SH3BGRL2: variants seen among roughly 807,000 people sequenced by gnomAD.
The protein encoded by SH3BGRL2 is SH3 domain-binding glutamic acid-rich-like protein 2.
In SH3BGRL2, 21 loss-of-function variants were observed where a neutral mutation model predicts 14.8. The observed-to-expected ratio is 1.42, with a 90% CI of 1.01 to 2.05. The LOEUF (loss-of-function observed/expected upper bound fraction) is 2.05, where lower values mean the gene tolerates loss of function less well. Among genes scored for constraint, SH3BGRL2 ranks in the 30% most tolerant of loss-of-function variants. The pLI is 0.00. For synonymous variants in SH3BGRL2, 50 were observed against 47.8 expected (o/e 1.05, Z -0.19); for missense variants, 147 against 130.8 (o/e 1.12, Z -0.61).
At chr6:79,538,037 T>G in the SH3BGRL2 span, among the ~76,000 whole-genome samples, 1 of 139,096 alleles carries the variant, frequency 7.2e-6, no homozygotes, top group Non-Finnish European at 1.5e-5. Context: ...TTTTTTTTTT[T>G]TTTTTTTTTT....
At chr6:79,580,886 C>T in the SH3BGRL2 span, among the ~76,000 whole-genome samples, 12 of 152,042 alleles carry the variant, frequency 7.9e-5, no homozygotes, top group South Asian at 2.1e-4. Context: ...ATTGATAGAC[C>T]GCTAGCAAGA....
chr6:79,550,035 G>C, the SH3BGRL2 span, among the ~76,000 whole-genome samples: 2 of 151,950 alleles, frequency 1.3e-5, no homozygotes, highest in Non-Finnish European at 1.5e-5. Flanking sequence ...TGATTTTTTT[G>C]ATTAGTAAGA....
At chr6:79,573,293 C>T in the SH3BGRL2 span, among the ~76,000 whole-genome samples, 1 of 152,138 alleles carries the variant, frequency 6.6e-6, no homozygotes, top group Non-Finnish European at 1.5e-5. Flanking sequence ...TGTTAAATCT[C>T]AAGTTTCCAT....
chr6:79,665,077 G>C (rs960872409), intron 1 of SH3BGRL2, among the ~76,000 whole-genome samples: 23 of 152,172 alleles, frequency 1.5e-4, no homozygotes, highest in Non-Finnish European at 2.8e-4. Flanking sequence ...GCGGGCGCCT[G>C]TAGTCCCAGC....
At chr6:79,629,501 T>A (rs770015865), upstream of SH3BGRL2, among the ~76,000 whole-genome samples, 19 of 152,110 alleles carry the variant, frequency 1.2e-4, 1 homozygote, top group Non-Finnish European at 2.4e-4. Flanking sequence ...GCTGAGCAGA[T>A]AACCCAGTGA....
At chr6:79,689,977 GTTTGTT>G (rs1770176722) in intron 2 of SH3BGRL2, among the ~76,000 whole-genome samples, 1 of 151,980 alleles carries the variant, frequency 6.6e-6, no homozygotes, top group African/African-American at 2.4e-5. Flanking sequence ...CATTAGAGTT[GTTTGTT>G]TTTGTTTTTG....
chr6:79,566,150 G>T, the SH3BGRL2 span, among the ~76,000 whole-genome samples: 1 of 152,078 alleles, frequency 6.6e-6, no homozygotes. Flanking sequence ...GCCCAGAACC[G>T]GTGTTCAACA....
At chr6:79,631,838 T>G (rs887271193) in intron 1 of SH3BGRL2, among the ~76,000 whole-genome samples, 14 of 152,332 alleles carry the variant, frequency 9.2e-5, no homozygotes, top group African/African-American at 3.4e-4. Flanking sequence ...GGGATCCCCC[T>G]TCCCCTAGTT....
At chr6:79,539,168 C>A in the SH3BGRL2 span, among the ~76,000 whole-genome samples, 1 of 151,840 alleles carries the variant, frequency 6.6e-6, no homozygotes, top group East Asian at 1.9e-4. Flanking sequence ...TGAAAAAAGA[C>A]CAAAAAATGT....
chr6:79,572,685 T>C, the SH3BGRL2 span, among the ~76,000 whole-genome samples: 9 of 152,146 alleles, frequency 5.9e-5, no homozygotes, highest in Admixed American at 2.6e-4. Flanking sequence ...CAGGATGGTC[T>C]CGATCTCCTG....
At chr6:79,550,000 A>T in the SH3BGRL2 span, among the ~76,000 whole-genome samples, 1 of 152,168 alleles carries the variant, frequency 6.6e-6, no homozygotes, top group South Asian at 2.1e-4. Flanking sequence ...GAAAAACATG[A>T]GGAAATACGC....
chr6:79,555,356 A>G, the SH3BGRL2 span, among the ~76,000 whole-genome samples: 1 of 152,130 alleles, frequency 6.6e-6, no homozygotes, highest in African/African-American at 2.4e-5. Flanking sequence ...AGGCTGAGGC[A>G]GGAAAATTGC....
the SH3BGRL2 span, among the ~76,000 whole-genome samples, chr6:79,567,363 AG>A: frequency 7.2e-5 from 11 of 152,380 alleles, 1 homozygote; most frequent in South Asian, 2.3e-3. Context: ...CTATTGAAGA[AG>A]AAATGTACAT....
At chr6:79,555,223 G>T in the SH3BGRL2 span, among the ~76,000 whole-genome samples, 3 of 152,092 alleles carry the variant, frequency 2.0e-5, no homozygotes, top group Non-Finnish European at 4.4e-5. Flanking sequence ...GCTGAGGCAG[G>T]CGGATCACCT....
the SH3BGRL2 span, among the ~76,000 whole-genome samples, chr6:79,545,217 G>C: frequency 6.6e-6 from 1 of 151,948 alleles, no homozygotes; most frequent in East Asian, 1.9e-4. Context: ...TTTTCTTTTC[G>C]TCCTTTGTGG....
In SH3BGRL2 at chr6:79,701,134, A is replaced by G. The variant is rs1770447169; in HGVS notation, c.*1625A>G. The G allele has an allele frequency of 1.3e-5, 2 of 152,314 alleles. No homozygotes were observed. The highest frequency in any genetic ancestry group is 4.1e-4 in the South Asian group (2 of 4,832). 9.4% of individuals were successfully genotyped at this position (152,314 alleles called of 1,614,324 possible). A position where few individuals can be genotyped will look rare whatever the true frequency, so the allele number is the denominator to read the frequency against. ...ATTTCTACTTAACTAGAATGGACAC[A>G]TGATCCACAATTTTCTCTTCAAGGG... On this transcript the variant is annotated 3_prime_UTR_variant, in exon 4 of 4. Coordinates refer to ENST00000369838, the MANE Select transcript of SH3BGRL2 (RefSeq NM_031469.4).
At chr6:79,580,595 GA>G in the SH3BGRL2 span, among the ~76,000 whole-genome samples, 1 of 152,152 alleles carries the variant, frequency 6.6e-6, no homozygotes, top group Non-Finnish European at 1.5e-5. Context: ...TGAAAACAAA[GA>G]GAACAAAGAC....
At chr6:79,680,640 A>G (rs1459810374) in intron 2 of SH3BGRL2, among the ~76,000 whole-genome samples, 1 of 151,972 alleles carries the variant, frequency 6.6e-6, no homozygotes, top group Non-Finnish European at 1.5e-5. Flanking sequence ...AATAGGGATC[A>G]TGTTGAATCT....
At chr6:79,564,794 T>A in the SH3BGRL2 span, among the ~76,000 whole-genome samples, 2 of 152,146 alleles carry the variant, frequency 1.3e-5, no homozygotes, top group Non-Finnish European at 2.9e-5. Flanking sequence ...GCAATTAAAA[T>A]AGGGTGGAAA....
Sources: allele counts gnomAD v4.1 joint callset (sites outside exome capture counted in the v4.1 genomes callset), GRCh38; gene constraint gnomAD v4.1.1; transcripts MANE v1.5; gene names NCBI Gene and HGNC (gene_info 2026-07-23, HGNC 2026-07-21).